WDFY1: variants seen among roughly 807,000 people sequenced by gnomAD.
WDFY1 encodes WD repeat and FYVE domain containing 1.
In WDFY1, 32 loss-of-function variants were observed where a neutral mutation model predicts 56.4. The ratio of observed to expected loss-of-function variants is 0.57; its 90% CI spans 0.43 to 0.76. The LOEUF (loss-of-function observed/expected upper bound fraction) is 0.76. Among genes scored for constraint, WDFY1 ranks in the 30% least tolerant of loss-of-function variants. The pLI is 0.00. For synonymous variants in WDFY1, 192 were observed against 197.3 expected, an observed-to-expected ratio of 0.97 and a Z score of 0.23; for missense variants, 480 against 545.7, an observed-to-expected ratio of 0.88 and a Z score of 1.20.
chr2:223,925,037 T>C (rs368137580), intron 1 of WDFY1, among the ~76,000 whole-genome samples: 1 of 152,116 alleles, frequency 6.6e-6, no homozygotes, highest in East Asian at 1.9e-4. Flanking sequence ...AAAAAGGAAC[T>C]ACAAATTTAA....
At chr2:223,914,160 C>T (rs1317613927) in intron 2 of WDFY1, among the ~76,000 whole-genome samples, 1 of 152,020 alleles carries the variant, frequency 6.6e-6, no homozygotes, top group Non-Finnish European at 1.5e-5. Context: ...CCACACCAGG[C>T]TAATTCTTGT....
At chr2:223,892,829 C>G (rs1022995832) in intron 8 of WDFY1, among the ~76,000 whole-genome samples, 1 of 152,236 alleles carries the variant, frequency 6.6e-6, no homozygotes, top group South Asian at 2.1e-4. Flanking sequence ...ACAGTAGGTA[C>G]TGCAATGCAA....
At chr2:223,878,782 C>T (rs773215978) in intron 11 of WDFY1, 52 bp from the exon 12 acceptor site, 48 of 1,607,202 alleles carry the variant, frequency 3.0e-5, no homozygotes, top group East Asian at 1.6e-4. Flanking sequence ...CCAGGTCTAA[C>T]GGCAAGAGTC....
Position 223,905,449 on chromosome 2 carries a change from G to A in WDFY1, c.334+498C>T, listed in dbSNP as rs144366407. ...GTGGGAGGGTCACTTAAGGTCAGGA[G>A]TTCGAGACCAGCTTGGGCTACATAC... On this transcript the variant is annotated intron_variant, in intron 4 of 11. Transcript: ENST00000233055. 2.6e-3 allele frequency among the ~76,000 whole-genome samples: 392 copies of A among 152,258 alleles called. 3 individuals are homozygous for A. The highest frequency in any genetic ancestry group is 9.1e-3 in the African/African-American group (378 of 41,542).
rs79191442 is a variant in WDFY1, at chr2:223,887,549, G to C, written c.832-2800C>G. Among the ~76,000 whole-genome samples, 313 of 152,312 alleles carry C rather than the reference G, an allele frequency of 2.1e-3. 3 individuals are homozygous for C. Among genetic ancestry groups the C allele is most frequent in the African/African-American group, 7.3e-3 (305 of 41,570 alleles). Reference sequence around the variant, plus strand: ...AAAACATTAAGTGTAAAAAAGACCTGACTTGCAAACTTGCCCATTATTGCT... The same window carrying C: ...AAAACATTAAGTGTAAAAAAGACCTCACTTGCAAACTTGCCCATTATTGCT... On this transcript the variant is annotated intron_variant, in intron 8 of 11. Coordinates refer to ENST00000233055, the MANE Select transcript of WDFY1 (RefSeq NM_020830.5).
At chr2:223,921,739 TACC>T (rs1443574531) in intron 1 of WDFY1, among the ~76,000 whole-genome samples, 2 of 152,194 alleles carry the variant, frequency 1.3e-5, no homozygotes, top group African/African-American at 4.8e-5. Flanking sequence ...TACAGACGTG[TACC>T]ACCACACCTG....
intron 3 of WDFY1, among the ~76,000 whole-genome samples, chr2:223,909,984 A>G (rs1461368786): frequency 1.3e-5 from 2 of 152,172 alleles, no homozygotes; most frequent in African/African-American, 4.8e-5. Flanking sequence ...ACCCAGACCT[A>G]CAAGACCTTG....
At chr2:223,881,812 G>C (rs1485275812) in intron 10 of WDFY1, 130 bp downstream of exon 10, 1 of 1,289,726 alleles carries the variant, frequency 7.8e-7, no homozygotes, top group African/African-American at 1.5e-5. Flanking sequence ...AAATAAAATG[G>C]CTTAGGAAAT....
At chr2:223,935,361 G>T (rs1045905171) in intron 1 of WDFY1, among the ~76,000 whole-genome samples, 3 of 152,162 alleles carry the variant, frequency 2.0e-5, no homozygotes, top group African/African-American at 7.2e-5. Flanking sequence ...GTAGTATGTG[G>T]TTGACAAAGA....
At chr2:223,913,113 C>T (rs1168783269) in intron 2 of WDFY1, among the ~76,000 whole-genome samples, 1 of 151,020 alleles carries the variant, frequency 6.6e-6, no homozygotes, top group African/African-American at 2.4e-5. Context: ...GGTAGGGTGG[C>T]TCATGCCTGT....
chr2:223,937,772 A>C (rs1689223136), intron 1 of WDFY1, among the ~76,000 whole-genome samples: 1 of 152,232 alleles, frequency 6.6e-6, no homozygotes, highest in Admixed American at 6.5e-5. Flanking sequence ...TCAAGTCTTC[A>C]GTTTATTTTA....
chr2:223,942,868 C>A (rs1438369798), intron 1 of WDFY1, among the ~76,000 whole-genome samples: 1 of 150,992 alleles, frequency 6.6e-6, no homozygotes, highest in Non-Finnish European at 1.5e-5. Flanking sequence ...TTGTCTGCAT[C>A]TACGTTCACA....
intron 4 of WDFY1, among the ~76,000 whole-genome samples, chr2:223,903,477 C>T (rs1173161008): frequency 3.3e-5 from 5 of 150,980 alleles, no homozygotes; most frequent in Admixed American, 1.3e-4. Flanking sequence ...GAGCCAAGAT[C>T]GTGCCACTGC....
At chr2:223,935,661 A>T (rs1482890413) in intron 1 of WDFY1, among the ~76,000 whole-genome samples, 3 of 152,236 alleles carry the variant, frequency 2.0e-5, no homozygotes, top group Non-Finnish European at 4.4e-5. Flanking sequence ...GTTATGCAGT[A>T]CCTGGTGGAG....
intron 1 of WDFY1, among the ~76,000 whole-genome samples, chr2:223,927,459 T>G (rs1433932494): frequency 1.3e-5 from 2 of 152,238 alleles, no homozygotes; most frequent in African/African-American, 4.8e-5. Context: ...AAACCTAATG[T>G]GCCAATTCTG....
chr2:223,923,009 C>G (rs1406263554), intron 1 of WDFY1, among the ~76,000 whole-genome samples: 5 of 152,194 alleles, frequency 3.3e-5, no homozygotes, highest in Non-Finnish European at 5.9e-5. Context: ...AAGACTTCCA[C>G]GATCTCTTAG....
At chr2:223,896,103 C>A (rs904234327) in intron 6 of WDFY1, among the ~76,000 whole-genome samples, 1 of 132,512 alleles carries the variant, frequency 7.5e-6, no homozygotes, top group East Asian at 2.2e-4. Context: ...TTGCAGTGAG[C>A]CAAGATAGCA....
At chr2:223,901,534 G>A (rs549169727) in intron 4 of WDFY1, among the ~76,000 whole-genome samples, 3 of 152,172 alleles carry the variant, frequency 2.0e-5, no homozygotes, top group East Asian at 3.9e-4. Context: ...CTCCAAGGCG[G>A]TGCCCTCTGC....
At chr2:223,889,049 G>T (rs1000379200) in intron 8 of WDFY1, among the ~76,000 whole-genome samples, 1 of 151,558 alleles carries the variant, frequency 6.6e-6, no homozygotes, top group Non-Finnish European at 1.5e-5. Context: ...GATTACAGGT[G>T]TCTGCCACCA....
Sources: gnomAD v4.1 joint callset for allele counts (sites outside exome capture counted in the v4.1 genomes callset) on GRCh38, gnomAD v4.1.1 for gene constraint, MANE v1.5 for transcripts, NCBI Gene and HGNC (gene_info 2026-07-23, HGNC 2026-07-21) for gene names.